The following LRRC1 variants were observed in gnomAD, a reference collection of about 807,000 sequenced individuals.
The protein encoded by LRRC1 is leucine rich repeat containing 1, also known as leucine-rich repeat-containing protein 1.
Under a neutral mutation model 69.9 loss-of-function variants are expected in LRRC1, and 28 were observed. The observed-to-expected ratio is 0.40, with a 90% CI of 0.30 to 0.55. LRRC1 has a LOEUF of 0.55. Among genes scored for constraint, LRRC1 ranks in the 20% least tolerant of loss-of-function variants. The probability of loss-of-function intolerance (pLI) is 0.47; values close to 1 mark genes in which losing one functional copy is unlikely to be tolerated. For synonymous variants in LRRC1, 236 were observed against 240.2 expected (o/e 0.98, Z 0.16); for missense variants, 498 against 609.0 (o/e 0.82, Z 1.92).
In LRRC1 at chr6:53,919,361, A is replaced by C. The variant is rs189719709; in HGVS notation, c.1107-137A>C. The C allele has an allele frequency of 1.1e-3, 768 of 703,036 alleles. 5 individuals are homozygous for C. In the African/African-American group the frequency reaches 0.012, roughly 11 times the overall value. 43.5% of individuals were successfully genotyped at this position (703,036 alleles called of 1,614,324 possible). A position where few individuals can be genotyped will look rare whatever the true frequency, so the allele number is the denominator to read the frequency against. On this transcript the variant is annotated intron_variant, in intron 11 of 13. Coordinates refer to ENST00000370888, the MANE Select transcript of LRRC1 (RefSeq NM_018214.5). Reference sequence around the variant, plus strand: ...AAAGAGTATGTTGCGTCTTAAAAACATAACACCGTTTTTACATTTTGAAAC... The same window carrying C: ...AAAGAGTATGTTGCGTCTTAAAAACCTAACACCGTTTTTACATTTTGAAAC...
chr6:53,828,671 A>G (rs932690866), intron 1 of LRRC1, among the ~76,000 whole-genome samples: 2 of 152,244 alleles, frequency 1.3e-5, no homozygotes, highest in African/African-American at 4.8e-5. Context: ...ATGTTTGGAT[A>G]GTAGCTTGAA....
chr6:53,902,431 G>T (rs1381028918), intron 8 of LRRC1, among the ~76,000 whole-genome samples, 198 bp from the exon 9 acceptor site: 2 of 152,138 alleles, frequency 1.3e-5, no homozygotes, highest in East Asian at 1.9e-4. Flanking sequence ...GACCGTTTTT[G>T]ATGTTCTAAA....
At chr6:53,843,935 T>A (rs923116945) in intron 2 of LRRC1, among the ~76,000 whole-genome samples, 11 of 152,166 alleles carry the variant, frequency 7.2e-5, no homozygotes, top group African/African-American at 2.7e-4. Flanking sequence ...TGACCCAACT[T>A]ATCTTTTTAT....
At chr6:53,851,584 C>T (rs6900929) in intron 2 of LRRC1, among the ~76,000 whole-genome samples, 97,147 of 151,998 alleles carry the variant, frequency 0.64, 31,394 homozygotes, top group East Asian at 0.94. Context: ...AATGCTTATC[C>T]CATCCAGGAA....
intron 1 of LRRC1, among the ~76,000 whole-genome samples, chr6:53,800,168 C>G (rs541560073): frequency 4.6e-5 from 7 of 151,588 alleles, no homozygotes; most frequent in African/African-American, 1.7e-4. Context: ...AGTGTCAGCA[C>G]AGAGTTAGCT....
chr6:53,860,529 T>C (rs1015898050), intron 2 of LRRC1, among the ~76,000 whole-genome samples: 3 of 41,270 alleles, frequency 7.3e-5, no homozygotes, highest in Non-Finnish European at 1.6e-4. Flanking sequence ...TTTTCTGGTT[T>C]AATCTTTTTT....
At chr6:53,905,839 A>G (rs1768216623) in intron 10 of LRRC1, among the ~76,000 whole-genome samples, 1 of 152,206 alleles carries the variant, frequency 6.6e-6, no homozygotes, top group African/African-American at 2.4e-5. Context: ...CATCTAAGTA[A>G]ACTGTTTCTG....
At chr6:53,886,992 A>G (rs1272902102) in intron 4 of LRRC1, among the ~76,000 whole-genome samples, 1 of 152,200 alleles carries the variant, frequency 6.6e-6, no homozygotes, top group African/African-American at 2.4e-5. Context: ...TCACATACCA[A>G]ACAAATACAC....
intron 2 of LRRC1, among the ~76,000 whole-genome samples, chr6:53,861,324 A>G (rs1301552837): frequency 6.6e-6 from 1 of 151,782 alleles, no homozygotes. Flanking sequence ...TCCAATTCTC[A>G]GGGGACGGTG....
At chr6:53,803,570 AAT>A (rs2127402837) in intron 1 of LRRC1, among the ~76,000 whole-genome samples, 1 of 149,536 alleles carries the variant, frequency 6.7e-6, no homozygotes, top group Non-Finnish European at 1.5e-5. Context: ...TAGAAGATCT[AAT>A]AGAGTGTGTG....
intron 2 of LRRC1, among the ~76,000 whole-genome samples, chr6:53,858,236 T>G (rs1048510132): frequency 6.6e-6 from 1 of 152,144 alleles, no homozygotes; most frequent in Non-Finnish European, 1.5e-5. Context: ...TTTATCTCAT[T>G]GTGTTTCCAA....
At chr6:53,885,459 A>G (rs945947596) in intron 4 of LRRC1, among the ~76,000 whole-genome samples, 6 of 152,206 alleles carry the variant, frequency 3.9e-5, no homozygotes, top group African/African-American at 1.4e-4. Context: ...AATATTCCAC[A>G]AAATTTGAAA....
At chr6:53,876,903 A>C (rs566947996) in intron 2 of LRRC1, among the ~76,000 whole-genome samples, 1 of 152,286 alleles carries the variant, frequency 6.6e-6, no homozygotes, top group African/African-American at 2.4e-5. Flanking sequence ...GGGTCTGGAG[A>C]ATAACGGCCC....
At position 53,923,063 on chromosome 6, in the gene LRRC1, G is replaced by A. The variant is rs1193955359; in HGVS notation, c.*270G>A. 1 of 289,464 alleles carries A rather than the reference G, an allele frequency of 3.5e-6. No homozygotes were observed. Among genetic ancestry groups the A allele is most frequent in the African/African-American group, 2.2e-5 (1 of 46,150 alleles). The allele number at this position is 289,464 out of a possible 1,614,324, so 17.9% of individuals were successfully genotyped here. A position where few individuals can be genotyped will look rare whatever the true frequency, so the allele number is the denominator to read the frequency against. ...ACACTACTGTAAACATACGACCTTT[G>A]TTTTTGTCTTATGTTGGGGTAAAGG... is the stretch of plus-strand genomic sequence containing the variant. On this transcript the variant is annotated 3_prime_UTR_variant, in exon 14 of 14. Coordinates refer to ENST00000370888, the MANE Select transcript of LRRC1 (RefSeq NM_018214.5).
chr6:53,891,322 C>T (rs1450076001), intron 4 of LRRC1, among the ~76,000 whole-genome samples: 2 of 151,144 alleles, frequency 1.3e-5, no homozygotes, highest in African/African-American at 4.9e-5. Flanking sequence ...ATTAATTTGT[C>T]AGAAATTAAA....
chr6:53,920,899 C>A, intron 13 of LRRC1, 138 bp downstream of exon 13: 1 of 913,184 alleles, frequency 1.1e-6, no homozygotes, highest in South Asian at 1.8e-5. Context: ...TTTTAGAAGA[C>A]AAAGATAGGT....
At chr6:53,837,178 A>AT (rs1283911306) in intron 1 of LRRC1, among the ~76,000 whole-genome samples, 2 of 142,680 alleles carry the variant, frequency 1.4e-5, no homozygotes, top group Admixed American at 1.5e-4. Flanking sequence ...TTTCAAGCAC[A>AT]TTTTTATATA....
At position 53,842,255 on chromosome 6, in the gene LRRC1, A is replaced by AT. The variant is rs778614203; in HGVS notation, c.277+31dup. On this transcript the variant is annotated intron_variant, in intron 2 of 13. Coordinates refer to ENST00000370888, the MANE Select transcript of LRRC1 (RefSeq NM_018214.5). ...AAGAAAGATTCCACTTGGGTTGCCT[A>AT]TTTGTCTCTTCAGATGCTGGGGGTG... is the stretch of plus-strand genomic sequence containing the variant. The AT allele has an allele frequency of 2.7e-6, 4 of 1,507,722 alleles. No homozygotes were observed. In the Admixed American group the frequency reaches 6.7e-5, roughly 25 times the overall value. 93.4% of individuals were successfully genotyped at this position (1,507,722 alleles called of 1,614,324 possible). A position where few individuals can be genotyped will look rare whatever the true frequency, so the allele number is the denominator to read the frequency against.
At chr6:53,823,353 G>A (rs528494189) in intron 1 of LRRC1, among the ~76,000 whole-genome samples, 1 of 152,272 alleles carries the variant, frequency 6.6e-6, no homozygotes, top group Admixed American at 6.5e-5. Context: ...AAGACAAGTT[G>A]ATAATTGCCT....
Sources: allele counts gnomAD v4.1 joint callset (sites outside exome capture counted in the v4.1 genomes callset), GRCh38; gene constraint gnomAD v4.1.1; transcripts MANE v1.5; gene names NCBI Gene and HGNC (gene_info 2026-07-23, HGNC 2026-07-21).